Variants in TRAF3IP2 observed in about 807,000 individuals in gnomAD.
TRAF3IP2 encodes the protein TRAF3 interacting protein 2.
TRAF3IP2 carries 35 observed loss-of-function variants against 57.9 expected under a neutral mutation model. The ratio of observed to expected loss-of-function variants is 0.60; its 90% CI spans 0.46 to 0.80. TRAF3IP2 has a LOEUF of 0.80. TRAF3IP2 is among the 30% of genes least tolerant of loss of function. The pLI is 0.00. For missense variants in TRAF3IP2, 556 were observed against 706.4 expected, an observed-to-expected ratio of 0.79 and a Z score of 2.41; for synonymous variants, 251 against 268.9, an observed-to-expected ratio of 0.93 and a Z score of 0.65.
intron 5 of TRAF3IP2, among the ~76,000 whole-genome samples, chr6:111,569,238 A>G (rs1795749676): frequency 6.6e-6 from 1 of 152,234 alleles, no homozygotes; most frequent in Non-Finnish European, 1.5e-5. Context: ...GAAGCAATAT[A>G]GTGTCAGGGT....
intron 3 of TRAF3IP2, 90 bp from the exon 4 acceptor site, chr6:111,575,911 C>G: frequency 8.2e-7 from 1 of 1,218,560 alleles, no homozygotes; most frequent in Non-Finnish European, 1.1e-6. Flanking sequence ...TGGGAAGATC[C>G]CAGTGGGCTC....
chr6:111,587,934 A>G (rs968645708), intron 2 of TRAF3IP2, among the ~76,000 whole-genome samples: 2 of 152,184 alleles, frequency 1.3e-5, no homozygotes, highest in African/African-American at 4.8e-5. Context: ...ATGCTTGTTT[A>G]ATGTTTCTAT....
chr6:111,566,407 GGGGACAGTGAGGTGTTGTGATC>G lies in TRAF3IP2; in HGVS notation c.1476+15_1476+36del, dbSNP rs1562419790. 6.6e-7 allele frequency: 1 copy of G among 1,511,364 alleles called. No individual in the cohort carries two copies. Among genetic ancestry groups the G allele is most frequent in the Non-Finnish European group, 9.2e-7 (1 of 1,090,702 alleles). 93.6% of individuals were successfully genotyped at this position (1,511,364 alleles called of 1,614,324 possible). On this transcript the variant is annotated intron_variant, in intron 7 of 8. Transcript: ENST00000368761. Reference sequence around the variant, plus strand: ...TCCCTGGACAAGGTATCCATCCCCAGGGGACAGTGAGGTGTTGTGATCCCCTCCCCACTCACCATTCGATGAA... The same window carrying G: ...TCCCTGGACAAGGTATCCATCCCCAGCCCTCCCCACTCACCATTCGATGAA...
intron 2 of TRAF3IP2, among the ~76,000 whole-genome samples, chr6:111,586,412 G>T (rs937954014): frequency 6.6e-6 from 1 of 152,094 alleles, no homozygotes; most frequent in African/African-American, 2.4e-5. Flanking sequence ...GCACAGCCAT[G>T]AACTCCATGC....
At position 111,557,849 on chromosome 6, in the gene TRAF3IP2, G is replaced by GTCTC. The variant is rs1351405490; in HGVS notation, c.*1552_*1555dup. The GTCTC allele has an allele frequency of 1.3e-5, 2 of 151,832 alleles. No individual in the cohort carries two copies. The highest frequency in any genetic ancestry group is 1.3e-4 in the Admixed American group (2 of 15,244). 9.4% of individuals were successfully genotyped at this position (151,832 alleles called of 1,614,324 possible). A position where few individuals can be genotyped will look rare whatever the true frequency, so the allele number is the denominator to read the frequency against. ...ACCAGTCTGGCCAATATGAAACCCT[G>GTCTC]TCTCTACTAAAAATACAAAAATTAG... On this transcript the variant is annotated 3_prime_UTR_variant, in exon 9 of 9. Transcript: ENST00000368761.
chr6:111,562,360 A>T (rs1339838604), intron 8 of TRAF3IP2, among the ~76,000 whole-genome samples: 1 of 152,258 alleles, frequency 6.6e-6, no homozygotes, highest in Non-Finnish European at 1.5e-5. Context: ...GATAAGAAGT[A>T]TGACATGAAC....
At chr6:111,593,018 ACC>A in intron 1 of TRAF3IP2, among the ~76,000 whole-genome samples, 1 of 152,310 alleles carries the variant, frequency 6.6e-6, no homozygotes, top group East Asian at 1.9e-4. Flanking sequence ...CTCTTAATTC[ACC>A]TAACACAATG....
At position 111,604,824 on chromosome 6, in the gene TRAF3IP2, A is replaced by C. The variant is rs180675793; in HGVS notation, c.-9+952T>G. ...ACTGGTAGTGGGAGGTAAAATTAAA[A>C]TATGTGAATAATCGGTAAACAAAAC... On this transcript the variant is annotated intron_variant, in intron 1 of 8. Transcript: ENST00000368761. 2.0e-5 allele frequency among the ~76,000 whole-genome samples: 3 copies of C among 152,322 alleles called. No homozygotes were observed. In the East Asian group the frequency reaches 5.8e-4, roughly 29 times the overall value.
chr6:111,598,073 C>A lies in TRAF3IP2; in HGVS notation c.-8-5979G>T, dbSNP rs73764473. ...AGCAAATCCTGGGGGGAGAGCGGGG[C>A]TGGAGGGCGAAGAAGCCCAGGAGAG... On this transcript the variant is annotated intron_variant, in intron 1 of 8. Transcript: ENST00000368761. 1,425 of 362,018 alleles carry A rather than the reference C, an allele frequency of 3.9e-3. 27 individuals carry two copies. The highest frequency in any genetic ancestry group is 0.028 in the African/African-American group (1,324 of 46,908). 22.4% of individuals were successfully genotyped at this position (362,018 alleles called of 1,614,324 possible).
chr6:111,592,182 G>C (rs1432427482), intron 1 of TRAF3IP2, 88 bp from the exon 2 acceptor site: 1 of 1,150,548 alleles, frequency 8.7e-7, no homozygotes, highest in Non-Finnish European at 1.2e-6. Flanking sequence ...CCTCATTCAA[G>C]ATGTGGTTTA....
chr6:111,572,820 C>T (rs1795869082), intron 5 of TRAF3IP2, 75 bp downstream of exon 5: 1 of 1,189,336 alleles, frequency 8.4e-7, no homozygotes, highest in Admixed American at 1.8e-5. Context: ...AGCTATTACA[C>T]TTTTTCTTCT....
intron 8 of TRAF3IP2, among the ~76,000 whole-genome samples, chr6:111,562,185 C>T (rs746466337): frequency 6.6e-6 from 1 of 152,192 alleles, no homozygotes; most frequent in South Asian, 2.1e-4. Flanking sequence ...GCTGGCAGAC[C>T]CTTCTGGTGT....
At chr6:111,580,172 T>G (rs2128377749) in intron 3 of TRAF3IP2, 25 bp downstream of exon 3, 1 of 1,609,940 alleles carries the variant, frequency 6.2e-7, no homozygotes, top group East Asian at 2.2e-5. Context: ...TAAAAATGCC[T>G]GAAGGTTGGG....
At position 111,596,477 on chromosome 6, in the gene TRAF3IP2, G is replaced by A. The variant is rs146150516; in HGVS notation, c.-8-4383C>T. ...CTAATTTTTCTGTTTTTTCTGAGAC[G>A]GAGTCTTGCTCTGTCACCCAGGTTG... On this transcript the variant is annotated intron_variant, in intron 1 of 8. Coordinates refer to ENST00000368761, the MANE Select transcript of TRAF3IP2 (RefSeq NM_147686.4). Among the ~76,000 whole-genome samples, 48 of 152,052 alleles carry A rather than the reference G, an allele frequency of 3.2e-4. 1 individual carries two copies. The highest frequency in any genetic ancestry group is 3.4e-3 in the Middle Eastern group (1 of 294).
At chr6:111,563,443 A>G (rs1337415578) in intron 7 of TRAF3IP2, among the ~76,000 whole-genome samples, 5 of 152,184 alleles carry the variant, frequency 3.3e-5, no homozygotes, top group African/African-American at 1.2e-4. Flanking sequence ...AAATCAGGAG[A>G]GCCAGCTTAG....
chr6:111,566,967 G>A lies in TRAF3IP2; in HGVS notation c.1360-407C>T, dbSNP rs915883468. The A allele has an allele frequency of 1.9e-5, 6 of 322,024 alleles. No homozygotes were observed. The Admixed American group carries it at 2.8e-4, about 15-fold the overall frequency. The allele number at this position is 322,024 out of a possible 1,614,324, so 19.9% of individuals were successfully genotyped here. Reference sequence around the variant, plus strand: ...CACTCGACTGCCCTGTCTTCTGCGTGTACACATTAGCACAGTCAGTAGGAA... The same window carrying A: ...CACTCGACTGCCCTGTCTTCTGCGTATACACATTAGCACAGTCAGTAGGAA... On this transcript the variant is annotated intron_variant, in intron 6 of 8. Coordinates refer to ENST00000368761, the MANE Select transcript of TRAF3IP2 (RefSeq NM_147686.4).
Position 111,591,332 on chromosome 6 carries a change from G to A in TRAF3IP2, c.755C>T (p.Pro252Leu). Residue 252 changes from proline (P) to leucine (L), a missense_variant, in exon 2 of 9, where the codon CCT (proline) becomes CTT (leucine). By Grantham distance (98) the Pro-to-Leu change is moderately conservative. Around this residue, in one of 2 missense-constraint regions of TRAF3IP2, gnomAD observed 428 missense variants for 498.7 expected, o/e 0.86. Transcript: ENST00000368761. This position sits in a 1 kb window ranked among gnomAD's most constrained non-coding sequence, Gnocchi z 4.9. Reference protein sequence around the residue: ...QRYPACAQMLPPNLSPHAPWN... With the variant: ...QRYPACAQMLLPNLSPHAPWN... The stretch of plus-strand genomic sequence containing the variant: ...TGGAGCATGTGGGGAAAGATTGGGA[G>A]GCAGCATCTGTGCACATGCTGGATA... 6.6e-7 allele frequency: 1 copy of A among 1,521,166 alleles called. No homozygotes were observed. The highest frequency in any genetic ancestry group is 8.8e-7 in the Non-Finnish European group (1 of 1,136,500). The allele number at this position is 1,521,166 out of a possible 1,614,324, so 94.2% of individuals were successfully genotyped here. A position where few individuals can be genotyped will look rare whatever the true frequency, so the allele number is the denominator to read the frequency against.
chr6:111,567,197 C>T (rs894968015), intron 6 of TRAF3IP2: 9 of 1,001,554 alleles, frequency 9.0e-6, no homozygotes, highest in Middle Eastern at 1.0e-3. Flanking sequence ...GAACAAATCA[C>T]GGGGCTGCAC....
At chr6:111,594,508 T>C (rs994345264) in intron 1 of TRAF3IP2, 6 of 453,914 alleles carry the variant, frequency 1.3e-5, no homozygotes, top group Non-Finnish European at 2.2e-5. Context: ...TCTACTCTTC[T>C]AGCTGAGGAG....
Sources: allele counts gnomAD v4.1 joint callset (sites outside exome capture counted in the v4.1 genomes callset), GRCh38; gene constraint gnomAD v4.1.1; regional missense constraint gnomAD v4.1.1; non-coding constraint Gnocchi (gnomAD v3.1); transcripts MANE v1.5; gene names NCBI Gene and HGNC (gene_info 2026-07-23, HGNC 2026-07-21).